CLIC5: variants seen among roughly 807,000 people sequenced by gnomAD.
CLIC5 encodes CLIC family member 5, also known as chloride intracellular channel protein 5.
Under a neutral mutation model 24.7 loss-of-function variants are expected in CLIC5, and 20 were observed. That is an observed-to-expected ratio of 0.81 (90% CI 0.57 to 1.18). CLIC5 has a LOEUF of 1.18. Among genes scored for constraint, CLIC5 ranks in the 50% most tolerant of loss-of-function variants. The probability of loss-of-function intolerance (pLI) is 0.00; values close to 1 mark genes in which losing one functional copy is unlikely to be tolerated. For missense variants in CLIC5, 341 were observed against 326.1 expected, an observed-to-expected ratio of 1.05 and a Z score of -0.35; for synonymous variants, 159 against 135.6, an observed-to-expected ratio of 1.17 and a Z score of -1.20.
chr6:45,979,871 TGCAGA>T (rs1269951197), intron 1 of CLIC5, among the ~76,000 whole-genome samples: 3 of 152,080 alleles, frequency 2.0e-5, no homozygotes, highest in Non-Finnish European at 4.4e-5. Flanking sequence ...TCTTTTGCTA[TGCAGA>T]GGTTCTTTTA....
intron 1 of CLIC5, among the ~76,000 whole-genome samples, chr6:46,031,924 A>ACATATATATATATATACACAC (rs1767513379): frequency 1.5e-5 from 2 of 132,560 alleles, no homozygotes; most frequent in Admixed American, 8.5e-5. Flanking sequence ...TATGTACACA[A>ACATATATATATATATACACAC]CATATATATA....
chr6:45,941,539 T>C lies in CLIC5; in HGVS notation c.406+8A>G. 1 of 1,600,506 alleles carries C rather than the reference T, an allele frequency of 6.2e-7. No individual in the cohort carries two copies. Among genetic ancestry groups the C allele is most frequent in the Middle Eastern group, 1.7e-4 (1 of 5,948 alleles). On this transcript the variant is annotated splice_region_variant and intron_variant, in intron 4 of 5. Transcript: ENST00000339561. ...GCCAAGGGTTCTTGGTGGAAGGGAG[T>C]CACTCACCAGCATTGTTCTGCTGCT...
At chr6:45,914,737 C>T (rs929374211) in intron 4 of CLIC5, among the ~76,000 whole-genome samples, 16 of 151,742 alleles carry the variant, frequency 1.1e-4, no homozygotes, top group East Asian at 6.0e-4. Flanking sequence ...CAGATCATGA[C>T]GTTAAGAGAT....
At chr6:45,922,039 A>C (rs973766501) in intron 4 of CLIC5, among the ~76,000 whole-genome samples, 2 of 152,220 alleles carry the variant, frequency 1.3e-5, no homozygotes, top group African/African-American at 4.8e-5. Context: ...TTTATGAGAA[A>C]GCAAAATGCA....
the CLIC5 span, among the ~76,000 whole-genome samples, chr6:46,091,213 C>A: frequency 6.6e-6 from 1 of 152,184 alleles, no homozygotes; most frequent in Non-Finnish European, 1.5e-5. Flanking sequence ...TCCCTCCTGT[C>A]TAACTCAAAT....
At chr6:46,068,059 G>A (rs1762492321) in intron 1 of CLIC5, among the ~76,000 whole-genome samples, 1 of 152,110 alleles carries the variant, frequency 6.6e-6, no homozygotes, top group Non-Finnish European at 1.5e-5. Context: ...AGAAGATAAG[G>A]GGAAACAGAT....
At position 45,940,600 on chromosome 6, in the gene CLIC5, A is replaced by T. The variant is rs141721241; in HGVS notation, c.406+947T>A. Among the ~76,000 whole-genome samples the T allele has an allele frequency of 3.1e-3, 477 of 152,338 alleles. 1 individual carries two copies. Among genetic ancestry groups the T allele is most frequent in the Admixed American group, 5.1e-3 (78 of 15,308 alleles). ...ATTCCCTTGTTTTGGTCCATTGTGC[A>T]TCAGTCACTTGTTCATTCACAAAGA... On this transcript the variant is annotated intron_variant, in intron 4 of 5. Transcript: ENST00000339561.
chr6:46,039,292 C>T (rs1037671858), intron 1 of CLIC5, among the ~76,000 whole-genome samples: 2 of 151,646 alleles, frequency 1.3e-5, no homozygotes, highest in Non-Finnish European at 2.9e-5. Context: ...TGACAATTAC[C>T]AAAACATCAT....
At chr6:45,987,969 T>C (rs1268553720) in intron 1 of CLIC5, among the ~76,000 whole-genome samples, 1 of 152,200 alleles carries the variant, frequency 6.6e-6, no homozygotes, top group Non-Finnish European at 1.5e-5. Flanking sequence ...ACATGCAATA[T>C]GCATTTATTC....
intron 4 of CLIC5, among the ~76,000 whole-genome samples, chr6:45,922,823 A>AGAGAG (rs1763318438): frequency 9.2e-5 from 13 of 140,716 alleles, no homozygotes; most frequent in Admixed American, 4.2e-4. Context: ...GAGAGAGAGA[A>AGAGAG]AGAGAGAGAG....
chr6:45,904,640 TTCTGTCC>T (rs375471220), intron 5 of CLIC5, among the ~76,000 whole-genome samples: 1 of 166 alleles, frequency 6.0e-3, no homozygotes. Context: ...CCTCCCTCTT[TTCTGTCC>T]CTTTCCTTCC....
intron 1 of CLIC5, among the ~76,000 whole-genome samples, chr6:46,038,987 A>T (rs963876565): frequency 2.0e-5 from 3 of 152,242 alleles, no homozygotes; most frequent in Non-Finnish European, 4.4e-5. Context: ...CATTAAATGC[A>T]TACATAAGAA....
At chr6:46,009,772 TC>T (rs1241309133) in intron 1 of CLIC5, among the ~76,000 whole-genome samples, 3 of 152,080 alleles carry the variant, frequency 2.0e-5, no homozygotes, top group African/African-American at 7.2e-5. Flanking sequence ...ATAAAGAGGA[TC>T]CTTTACCCTG....
intron 1 of CLIC5, among the ~76,000 whole-genome samples, chr6:46,052,003 C>T (rs1768116445): frequency 6.6e-6 from 1 of 152,110 alleles, no homozygotes; most frequent in Non-Finnish European, 1.5e-5. Context: ...TTTGCACCTG[C>T]ATTCAGCAAA....
intron 6 of CLIC5, among the ~76,000 whole-genome samples, chr6:45,890,622 T>C (rs560890280): frequency 6.6e-6 from 1 of 152,306 alleles, no homozygotes; most frequent in Non-Finnish European, 1.5e-5. Context: ...CCCATGTTCA[T>C]TGCAGCATTC....
intron 1 of CLIC5, among the ~76,000 whole-genome samples, chr6:46,010,139 C>G (rs1370251850): frequency 1.3e-5 from 2 of 152,178 alleles, no homozygotes; most frequent in South Asian, 2.1e-4. Context: ...TGGAAACTTA[C>G]ATTTTCTTTC....
chr6:45,961,724 A>T (rs1764848486), intron 1 of CLIC5, among the ~76,000 whole-genome samples: 1 of 152,056 alleles, frequency 6.6e-6, no homozygotes, highest in African/African-American at 2.4e-5. Flanking sequence ...CAGGGATGGG[A>T]CTTGGTGGTA....
At chr6:46,010,757 G>A (rs1276497619) in intron 1 of CLIC5, among the ~76,000 whole-genome samples, 4 of 152,230 alleles carry the variant, frequency 2.6e-5, no homozygotes, top group African/African-American at 9.7e-5. Context: ...CTCCAGGGAT[G>A]TGTTACCAGG....
chr6:45,951,464 C>A (rs1297538301), intron 2 of CLIC5, among the ~76,000 whole-genome samples: 1 of 152,164 alleles, frequency 6.6e-6, no homozygotes, highest in Non-Finnish European at 1.5e-5. Context: ...AGGCCAAGTG[C>A]AGTGGAAAGG....
Sources: allele counts gnomAD v4.1 joint callset (sites outside exome capture counted in the v4.1 genomes callset), GRCh38; gene constraint gnomAD v4.1.1; transcripts MANE v1.5; gene names NCBI Gene and HGNC (gene_info 2026-07-23, HGNC 2026-07-21).